Variants in GATA2 observed in about 807,000 individuals in gnomAD.
The protein encoded by GATA2 is endothelial transcription factor GATA-2.
Under a neutral mutation model 35.7 loss-of-function variants are expected in GATA2, and 6 were observed. The ratio of observed to expected loss-of-function variants is 0.17; its 90% CI spans 0.09 to 0.33. GATA2 has a LOEUF of 0.33. Ranked by LOEUF, GATA2 falls within the 10% of genes least tolerant of loss-of-function variation. The pLI is 1.00. For missense variants in GATA2, 541 were observed against 656.6 expected, an observed-to-expected ratio of 0.82 and a Z score of 1.92; for synonymous variants, 313 against 274.9, an observed-to-expected ratio of 1.14 and a Z score of -1.37.
At chr3:128,481,392 G>T in intron 5 of GATA2, 74 bp from the exon 6 acceptor site, 7 of 1,538,064 alleles carry the variant, frequency 4.6e-6, no homozygotes, top group Non-Finnish European at 6.2e-6. Context: ...GCCACAGCGT[G>T]GACCAGAGGC....
At position 128,485,780 on chromosome 3, in the gene GATA2, C is replaced by T. The variant is rs1559986940; in HGVS notation, c.818G>A (p.Gly273Glu). Residue 273 changes from glycine to glutamate, a missense_variant, in exon 3 of 6, where the codon GGA becomes GAA. Physicochemically the swap from Gly to Glu is moderately conservative, Grantham distance 98. Transcript: ENST00000341105. Reference sequence around the variant, plus strand: ...CTTAGGGGTGAAGCTGGAGGCCGGTCCCCCCAGGAAGCCTCCGGGGTGGAA... The same window carrying T: ...CTTAGGGGTGAAGCTGGAGGCCGGTTCCCCCAGGAAGCCTCCGGGGTGGAA... ...GLFHPGGFLG[G>E]PASSFTPKQR... The T allele has an allele frequency of 6.2e-7, 1 of 1,613,870 alleles. No individual in the cohort carries two copies. The highest frequency in any genetic ancestry group is 1.1e-5 in the South Asian group (1 of 91,048).
chr3:128,484,111 G>T, intron 3 of GATA2, 106 bp from the exon 4 acceptor site: 1 of 1,446,270 alleles, frequency 6.9e-7, no homozygotes, highest in Non-Finnish European at 9.4e-7. Flanking sequence ...GTGCCTCTCA[G>T]GCACACGGTT....
chr3:128,491,210 C>T (rs1334320514), intron 1 of GATA2, among the ~76,000 whole-genome samples: 2 of 9,886 alleles, frequency 2.0e-4, no homozygotes, highest in Non-Finnish European at 3.0e-4. Context: ...GCCGTCCAGC[C>T]CCCCCCCCCC....
rs113166293 is a variant in GATA2, at chr3:128,486,189, G to A, written c.409C>T (p.Pro137Ser). ...HPSAAGGPGG[P>S]LSVYPGAGGG... ...CCAGCCCCTGGGTACACAGAGAGTGGGCCTCCAGGGCCTCCAGCAGCTGAG... is the reference window on the plus strand; with the variant it reads ...CCAGCCCCTGGGTACACAGAGAGTGAGCCTCCAGGGCCTCCAGCAGCTGAG... Residue 137 changes from proline to serine, a missense_variant, in exon 3 of 6, where the codon CCA becomes TCA. This residue lies in a region of GATA2 where 389 missense variants were observed against 396.9 expected (regional missense o/e 0.98). Transcript: ENST00000341105. 1 of 1,559,794 alleles carries A rather than the reference G, an allele frequency of 6.4e-7. No homozygotes were observed. Among genetic ancestry groups the A allele is most frequent in the Non-Finnish European group, 8.7e-7 (1 of 1,152,330 alleles).
chr3:128,484,736 C>T (rs971293805), intron 3 of GATA2, among the ~76,000 whole-genome samples: 4 of 151,744 alleles, frequency 2.6e-5, no homozygotes, highest in African/African-American at 4.8e-5. Context: ...GGCAAGCTGA[C>T]GGGTCTGAGC....
rs2068797206 is a variant in GATA2 at position 128,493,045 on chromosome 3, G to A, written c.-192C>T. On this transcript the variant is annotated 5_prime_UTR_variant, in exon 1 of 6. Coordinates refer to ENST00000341105, the MANE Select transcript of GATA2 (RefSeq NM_032638.5). The stretch of plus-strand genomic sequence containing the variant: ...GCAGAGCCTGGGCGGCACGCCGAGC[G>A]GCCGCATGGTGTTCAGCGGACCGCT... 1 of 152,590 alleles carries A rather than the reference G, an allele frequency of 6.6e-6. No homozygotes were observed. The highest frequency in any genetic ancestry group is 1.9e-4 in the East Asian group (1 of 5,186). 9.5% of individuals were successfully genotyped at this position (152,590 alleles called of 1,614,324 possible).
At position 128,486,784 on chromosome 3, in the gene GATA2, C is replaced by T. The variant is rs1259849242; in HGVS notation, c.229+19G>A. ...GCGCGCGGCGCCTGGGTTCTCATCA[C>T]CACGGGCCCAGTGCTCACCGTGCGC... On this transcript the variant is annotated intron_variant, in intron 2 of 5. Coordinates refer to ENST00000341105, the MANE Select transcript of GATA2 (RefSeq NM_032638.5). 1 of 1,583,752 alleles carries T rather than the reference C, an allele frequency of 6.3e-7. No individual in the cohort carries two copies. The highest frequency in any genetic ancestry group is 8.6e-7 in the Non-Finnish European group (1 of 1,165,860).
chr3:128,483,054 C>T (rs974592611), intron 4 of GATA2, among the ~76,000 whole-genome samples: 9 of 152,214 alleles, frequency 5.9e-5, no homozygotes, highest in Admixed American at 4.6e-4. Context: ...GCCAACGCCG[C>T]GTCCTCCACC....
chr3:128,480,571 C>T lies in GATA2; in HGVS notation c.*448G>A. On this transcript the variant is annotated 3_prime_UTR_variant, in exon 6 of 6. Transcript: ENST00000341105. ...GGTGCAGGCTGAGGTCCCCACAAAT[C>T]TGCCCCCAGAGCCCTGGCAAGTGGA... 1 of 263,152 alleles carries T rather than the reference C, an allele frequency of 3.8e-6. No homozygotes were observed. The highest frequency in any genetic ancestry group is 2.2e-5 in the African/African-American group (1 of 46,278). The allele number at this position is 263,152 out of a possible 1,614,324, so 16.3% of individuals were successfully genotyped here.
intron 1 of GATA2, among the ~76,000 whole-genome samples, chr3:128,491,485 T>C (rs2068767034): frequency 6.6e-6 from 1 of 152,040 alleles, no homozygotes; most frequent in Non-Finnish European, 1.5e-5. Context: ...TGGGGTGCCT[T>C]AGCAGATGGG....
intron 1 of GATA2, chr3:128,492,033 C>T (rs1442192133): frequency 1.3e-5 from 2 of 152,270 alleles, no homozygotes; most frequent in Non-Finnish European, 2.9e-5. Flanking sequence ...TGCTCATAAA[C>T]GAATCCTAGC....
At position 128,480,609 on chromosome 3, in the gene GATA2, G is replaced by A. The variant is rs45479594; in HGVS notation, c.*410C>T. ...CCTGGCAAGTGGACCCGCCAATCCC[G>A]AGGAAGAACCGGAGGACTTGGGACA... On this transcript the variant is annotated 3_prime_UTR_variant, in exon 6 of 6. Transcript: ENST00000341105. 0.016 allele frequency: 4,440 copies of A among 273,346 alleles called. 61 individuals are homozygous for A. Among genetic ancestry groups the A allele is most frequent in the Middle Eastern group, 0.032 (31 of 970 alleles). 16.9% of individuals were successfully genotyped at this position (273,346 alleles called of 1,614,324 possible).
chr3:128,486,715 A>C, intron 2 of GATA2, 88 bp downstream of exon 2: 1 of 1,271,204 alleles, frequency 7.9e-7, no homozygotes, highest in Non-Finnish European at 1.1e-6. Flanking sequence ...CGGATCCTAC[A>C]TCCGGGAAGC....
In GATA2 at chr3:128,492,639, G is replaced by A. The variant is rs374849515; in HGVS notation, c.-46+260C>T. Among the ~76,000 whole-genome samples the A allele has an allele frequency of 2.9e-4, 44 of 152,330 alleles. 1 individual carries two copies. The East Asian group carries it at 3.5e-3, about 12-fold the overall frequency. On this transcript the variant is annotated intron_variant, in intron 1 of 5. Transcript: ENST00000341105. The stretch of plus-strand genomic sequence containing the variant: ...GCGGGGGTGCTTTGCGAGGCTCTGG[G>A]AATGCCAGGGTCTCGTGGCCTGTGG...
chr3:128,483,761 G>C, intron 4 of GATA2, 99 bp downstream of exon 4: 1 of 1,481,646 alleles, frequency 6.7e-7, no homozygotes, highest in Non-Finnish European at 9.4e-7. Flanking sequence ...AGGATTTCAA[G>C]CGGCAAAGCG....
intron 1 of GATA2, 46 bp from the exon 2 acceptor site, chr3:128,487,122 C>T: frequency 9.4e-7 from 1 of 1,069,054 alleles, no homozygotes; most frequent in Non-Finnish European, 1.3e-6. Flanking sequence ...CGCCTGACAC[C>T]CCCCAAAGTC....
chr3:128,481,574 C>T (rs1056060685), intron 5 of GATA2, among the ~76,000 whole-genome samples: 6 of 152,234 alleles, frequency 3.9e-5, no homozygotes, highest in Admixed American at 1.3e-4. Context: ...AAGTCCTCCC[C>T]CCCACCCTGA....
At chr3:128,483,568 C>T (rs980727017) in intron 4 of GATA2, among the ~76,000 whole-genome samples, 2 of 152,264 alleles carry the variant, frequency 1.3e-5, no homozygotes, top group South Asian at 4.1e-4. Flanking sequence ...AAGAGCTAAG[C>T]AGAGGCCAGA....
At position 128,485,734 on chromosome 3, in the gene GATA2, G is replaced by T; in HGVS notation, c.864C>A (p.Ser288=). The T allele has an allele frequency of 6.2e-7, 1 of 1,613,768 alleles. No individual in the cohort carries two copies. The part of the protein sequence containing the change: ...FTPKQRSKAR[S]CSEGRECVNC... ...CCCAGCACCTGCCTTTACCTGAACAGGAACGAGCCTTGCTGCGCTGCTTAG... is the reference window on the plus strand; with the variant it reads ...CCCAGCACCTGCCTTTACCTGAACATGAACGAGCCTTGCTGCGCTGCTTAG... The change falls in exon 3 of 6, where the codon TCC becomes TCA. Residue 288 remains serine (S), a synonymous_variant. Coordinates refer to ENST00000341105, the MANE Select transcript of GATA2 (RefSeq NM_032638.5).
Sources: allele counts gnomAD v4.1 joint callset (sites outside exome capture counted in the v4.1 genomes callset), GRCh38; gene constraint gnomAD v4.1.1; regional missense constraint gnomAD v4.1.1; transcripts MANE v1.5; gene names NCBI Gene and HGNC (gene_info 2026-07-23, HGNC 2026-07-21).